Variants in PBX3 observed in about 807,000 individuals in gnomAD.
PBX3 encodes PBX homeobox 3.
In PBX3, 14 loss-of-function variants were observed where a neutral mutation model predicts 48.5. The ratio of observed to expected loss-of-function variants is 0.29; its 90% CI spans 0.19 to 0.45. PBX3 has a LOEUF of 0.45. Ranked by LOEUF, PBX3 falls within the 20% of genes least tolerant of loss-of-function variation. The pLI, the probability that PBX3 is intolerant of heterozygous loss-of-function variation, is 1.00. For synonymous variants in PBX3, 210 were observed against 200.3 expected (o/e 1.05, Z -0.41); for missense variants, 386 against 546.7 (o/e 0.71, Z 2.93).
intron 2 of PBX3, among the ~76,000 whole-genome samples, chr9:125,863,514 C>T (rs1839912625): frequency 6.6e-6 from 1 of 152,058 alleles, no homozygotes; most frequent in Non-Finnish European, 1.5e-5. Context: ...CTGGCCCTGA[C>T]ATATGATTTT....
rs190557544 is a variant in PBX3, at chr9:125,792,993, C to T, written c.274+44370C>T. Among the ~76,000 whole-genome samples the T allele has an allele frequency of 2.3e-3, 342 of 151,964 alleles. 3 individuals are homozygous for T. The highest frequency in any genetic ancestry group is 3.3e-3 in the Non-Finnish European group (222 of 67,984). On this transcript the variant is annotated intron_variant, in intron 2 of 8. Coordinates refer to ENST00000373489, the MANE Select transcript of PBX3 (RefSeq NM_006195.6). Reference sequence around the variant, plus strand: ...GATTATAAGCGTGAGCCACCGCGCCCGGCCGAGGTATACTTAATTTATGAT... The same window carrying T: ...GATTATAAGCGTGAGCCACCGCGCCTGGCCGAGGTATACTTAATTTATGAT...
intron 2 of PBX3, among the ~76,000 whole-genome samples, chr9:125,850,908 G>A (rs954605630): frequency 1.3e-5 from 2 of 152,122 alleles, no homozygotes; most frequent in African/African-American, 4.8e-5. Flanking sequence ...ATGAATGGCT[G>A]CAGTGTTGAA....
chr9:125,917,028 C>T (rs953164969), intron 3 of PBX3, among the ~76,000 whole-genome samples: 4 of 152,018 alleles, frequency 2.6e-5, no homozygotes, highest in African/African-American at 9.7e-5. Flanking sequence ...CAGTTATCAA[C>T]ATTTTGCCAC....
intron 5 of PBX3, among the ~76,000 whole-genome samples, chr9:125,955,415 T>C (rs546320872): frequency 2.0e-5 from 3 of 152,296 alleles, no homozygotes; most frequent in Non-Finnish European, 4.4e-5. Context: ...ACCTTTCCTC[T>C]CCTTTTTCTG....
At chr9:125,837,364 A>G (rs1046885097) in intron 2 of PBX3, among the ~76,000 whole-genome samples, 5 of 150,406 alleles carry the variant, frequency 3.3e-5, no homozygotes, top group African/African-American at 1.2e-4. Context: ...TATATATTAC[A>G]CAAATATGTA....
chr9:125,954,870 C>G (rs1842269039), intron 5 of PBX3, among the ~76,000 whole-genome samples: 1 of 152,148 alleles, frequency 6.6e-6, no homozygotes, highest in African/African-American at 2.4e-5. Context: ...GGGTATCAAA[C>G]TGCTGTGCTA....
At chr9:125,953,984 C>T (rs947884217) in intron 5 of PBX3, among the ~76,000 whole-genome samples, 17 of 152,198 alleles carry the variant, frequency 1.1e-4, no homozygotes, top group Non-Finnish European at 2.4e-4. Context: ...TATATGTGTA[C>T]GCCTTCCTAA....
intron 2 of PBX3, among the ~76,000 whole-genome samples, chr9:125,857,852 CAG>C (rs560260688): frequency 6.9e-4 from 105 of 152,258 alleles, no homozygotes; most frequent in African/African-American, 6.5e-4. Context: ...ATATGTGAAT[CAG>C]GGGATTTTAT....
intron 2 of PBX3, among the ~76,000 whole-genome samples, chr9:125,889,594 T>A (rs534956769): frequency 6.6e-6 from 1 of 152,188 alleles, no homozygotes; most frequent in Non-Finnish European, 1.5e-5. Context: ...TTTCCACCCC[T>A]GTTGTGATGC....
chr9:125,806,140 G>C (rs968098097), intron 2 of PBX3, among the ~76,000 whole-genome samples: 6 of 152,052 alleles, frequency 3.9e-5, no homozygotes, highest in Non-Finnish European at 8.8e-5. Flanking sequence ...GATGACTTTT[G>C]ATCTCATATC....
At chr9:125,946,854 G>A (rs893794946) in intron 5 of PBX3, among the ~76,000 whole-genome samples, 1 of 152,114 alleles carries the variant, frequency 6.6e-6, no homozygotes, top group African/African-American at 2.4e-5. Flanking sequence ...CCAAGCCCTA[G>A]ACTCATGAAG....
intron 2 of PBX3, among the ~76,000 whole-genome samples, chr9:125,856,495 C>T (rs532850948): frequency 5.9e-5 from 9 of 152,162 alleles, no homozygotes; most frequent in African/African-American, 1.9e-4. Context: ...TTGCAGTGAT[C>T]GGGGTAATGA....
chr9:125,887,535 G>A (rs1010294460), intron 2 of PBX3, among the ~76,000 whole-genome samples: 1 of 152,214 alleles, frequency 6.6e-6, no homozygotes, highest in East Asian at 1.9e-4. Flanking sequence ...TTTATGTTGC[G>A]TATGCACAAT....
intron 4 of PBX3, among the ~76,000 whole-genome samples, chr9:125,933,416 T>C (rs887374255): frequency 1.3e-5 from 2 of 152,240 alleles, no homozygotes; most frequent in Admixed American, 1.3e-4. Context: ...TGAGGTGTTT[T>C]GAAGTTTGTT....
chr9:125,845,089 A>T (rs1839393538), intron 2 of PBX3: 1 of 152,142 alleles, frequency 6.6e-6, no homozygotes, highest in African/African-American at 2.4e-5. Context: ...TAACTACGTT[A>T]GTCAGGAAGC....
intron 2 of PBX3, among the ~76,000 whole-genome samples, chr9:125,895,338 A>G (rs1310702748): frequency 6.6e-6 from 1 of 152,128 alleles, no homozygotes; most frequent in East Asian, 1.9e-4. Context: ...CTGTTTATGT[A>G]TACAGTTTAC....
chr9:125,852,942 C>T (rs1250381893), intron 2 of PBX3, among the ~76,000 whole-genome samples: 1 of 152,124 alleles, frequency 6.6e-6, no homozygotes, highest in African/African-American at 2.4e-5. Flanking sequence ...ACTTAATACT[C>T]CAGCTTTGTA....
intron 3 of PBX3, among the ~76,000 whole-genome samples, chr9:125,928,254 C>T (rs1313229406): frequency 6.6e-6 from 1 of 151,860 alleles, no homozygotes; most frequent in East Asian, 1.9e-4. Context: ...TGGCACATGC[C>T]TGTCGTCACA....
chr9:125,833,972 G>A (rs994866903), intron 2 of PBX3, among the ~76,000 whole-genome samples: 15 of 152,198 alleles, frequency 9.9e-5, no homozygotes, highest in South Asian at 6.2e-4. Flanking sequence ...ACTCCAAGAG[G>A]GTTCCAATTT....
Sources: gnomAD v4.1 joint callset for allele counts (sites outside exome capture counted in the v4.1 genomes callset) on GRCh38, gnomAD v4.1.1 for gene constraint, MANE v1.5 for transcripts, NCBI Gene and HGNC (gene_info 2026-07-23, HGNC 2026-07-21) for gene names.